RYR1: variants seen among roughly 807,000 people sequenced by gnomAD.
RYR1 encodes the protein ryanodine receptor 1.
RYR1 carries 342 observed loss-of-function variants against 583.5 expected under a neutral mutation model. The observed-to-expected ratio is 0.59, with a 90% CI of 0.54 to 0.64. RYR1 has a LOEUF of 0.64. Ranked by LOEUF, RYR1 falls within the 30% of genes least tolerant of loss-of-function variation. The pLI is 0.00. For synonymous variants in RYR1, 2,791 were observed against 2,822.5 expected (o/e 0.99, Z 0.35); for missense variants, 6,032 against 6,917.2 (o/e 0.87, Z 4.54).
rs765871579 is a variant in RYR1 at position 38,532,497 on chromosome 19, G to C, written c.11149G>C (p.Asp3717His). The change falls in exon 77 of 106, where the codon GAT (aspartate) becomes CAT (histidine). Residue 3717 changes from aspartate to histidine, a missense_variant. Transcript: ENST00000359596. ...RTALTEKSKL[D>H]EDYLYMAYAD... The stretch of plus-strand genomic sequence containing the variant: ...CCCTGCTTACTTCCCCAGCAAACTG[G>C]ATGAGGATTACCTGTACATGGCCTA... 6.2e-7 allele frequency: 1 copy of C among 1,614,044 alleles called. No individual in the cohort carries two copies. The highest frequency in any genetic ancestry group is 8.5e-7 in the Non-Finnish European group (1 of 1,180,052).
chr19:38,537,886 A>C lies in RYR1; in HGVS notation c.11615A>C (p.Lys3872Thr), dbSNP rs753061108. Residue 3872 changes from lysine (K) to threonine (T), a missense_variant, in exon 84 of 106, where the codon AAG becomes ACG. Physicochemically the swap from Lys to Thr is moderately conservative, Grantham distance 78. Coordinates refer to ENST00000359596, the MANE Select transcript of RYR1 (RefSeq NM_000540.3). ...TCCCCTCCCTTCCACCTAGGAGAGA[A>C]GGTCATGGCGGATGATGAATTCACA... is the stretch of plus-strand genomic sequence containing the variant. ...GTVINRQNGE[K>T]VMADDEFTQD... The C allele has an allele frequency of 8.8e-6, 14 of 1,583,314 alleles. No individual in the cohort carries two copies. The highest frequency in any genetic ancestry group is 2.7e-5 in the African/African-American group (2 of 73,846).
intron 76 of RYR1, 67 bp from the exon 77 acceptor site, chr19:38,532,423 C>T (rs915485183): frequency 2.8e-5 from 43 of 1,540,820 alleles, no homozygotes; most frequent in Non-Finnish European, 3.7e-5. Flanking sequence ...GCACCCTGCC[C>T]AGAAGCTCTT....
chr19:38,548,141 C>A, intron 88 of RYR1, 92 bp from the exon 89 acceptor site: 3 of 1,385,784 alleles, frequency 2.2e-6, no homozygotes, highest in Non-Finnish European at 2.0e-6. Context: ...ACTCCAGCAG[C>A]GTGGTGGCTC....
chr19:38,463,423 A>G lies in RYR1; in HGVS notation c.2578A>G (p.Ile860Val). Residue 860 changes from isoleucine to valine, a missense_variant and splice_region_variant, in exon 21 of 106, where the codon ATT becomes GTT. Physicochemically the swap from Ile to Val is conservative, Grantham distance 29. Transcript: ENST00000359596. Reference sequence around the variant, plus strand: ...CTCAAGAACGTCCCTCTGCCTCTAGATTGTCCTGCCGCCCCATCTGGAGCG... The same window carrying G: ...CTCAAGAACGTCCCTCTGCCTCTAGGTTGTCCTGCCGCCCCATCTGGAGCG... The part of the protein sequence containing the change: ...FVPCPVDTVQ[I>V]VLPPHLERIR... 6.2e-7 allele frequency: 1 copy of G among 1,613,810 alleles called. No individual in the cohort carries two copies. The highest frequency in any genetic ancestry group is 1.1e-5 in the South Asian group (1 of 91,040).
intron 39 of RYR1, among the ~76,000 whole-genome samples, chr19:38,494,853 C>CCTT (rs1969739183): frequency 9.4e-5 from 12 of 127,370 alleles, no homozygotes; most frequent in Non-Finnish European, 1.3e-4. Flanking sequence ...CCACCCCCCC[C>CCTT]TTTTTTTTTT....
chr19:38,584,736 A>C (rs1434961599), intron 101 of RYR1, among the ~76,000 whole-genome samples: 5 of 102,642 alleles, frequency 4.9e-5, no homozygotes, highest in African/African-American at 1.2e-4. Flanking sequence ...CCTGGCCCTC[A>C]CCCCCCTGCC....
chr19:38,488,859 G>C (rs372509034), intron 34 of RYR1, among the ~76,000 whole-genome samples: 1 of 152,212 alleles, frequency 6.6e-6, no homozygotes, highest in African/African-American at 2.4e-5. Flanking sequence ...CTATGCAGGC[G>C]TAGGGTGTGT....
intron 34 of RYR1, 49 bp downstream of exon 34, chr19:38,486,251 C>A: frequency 1.2e-6 from 2 of 1,611,538 alleles, no homozygotes; most frequent in South Asian, 2.2e-5. Context: ...TCCCACATTC[C>A]CAAAACTCCA....
At chr19:38,581,655 G>C (rs766235864) in intron 101 of RYR1, among the ~76,000 whole-genome samples, 2 of 152,140 alleles carry the variant, frequency 1.3e-5, no homozygotes, top group Non-Finnish European at 2.9e-5. Flanking sequence ...CTGGAGTGCA[G>C]TGACATGACC....
At position 38,565,716 on chromosome 19, in the gene RYR1, C is replaced by T. The variant is rs1299546084; in HGVS notation, c.13382C>T (p.Thr4461Met). ...GGTCTCGGGGACATGGGGGACACGA[C>T]GCCTGCGGAACCGCCCACACCCGAG... ...AGGLGDMGDT[T>M]PAEPPTPEGS... Residue 4461 changes from threonine to methionine, a missense_variant, in exon 91 of 106, where the codon ACG becomes ATG. This residue lies in a region of RYR1 where 753 missense variants were observed against 759.6 expected (regional missense o/e 0.99). Transcript: ENST00000359596. This position sits in a 1 kb window ranked among gnomAD's most constrained non-coding sequence, Gnocchi z 4.7. 15 of 1,427,504 alleles carry T rather than the reference C, an allele frequency of 1.1e-5. No individual in the cohort carries two copies. In the African/African-American group the frequency reaches 1.2e-4, roughly 11 times the overall value. 88.4% of individuals were successfully genotyped at this position (1,427,504 alleles called of 1,614,324 possible). A position where few individuals can be genotyped will look rare whatever the true frequency, so the allele number is the denominator to read the frequency against.
At chr19:38,478,399 C>T in intron 30 of RYR1, 36 bp from the exon 31 acceptor site, 1 of 1,609,232 alleles carries the variant, frequency 6.2e-7, no homozygotes, top group Admixed American at 1.7e-5. Flanking sequence ...GAGCTACTCA[C>T]ATGAGGAGTG....
intron 16 of RYR1, among the ~76,000 whole-genome samples, chr19:38,457,045 CCAAAAAA>C (rs1218562125): frequency 0.13 from 2,480 of 19,606 alleles, 140 homozygotes; most frequent in Middle Eastern, 0.41. Flanking sequence ...GACTCCATCT[CCAAAAAA>C]AAAAAAAAAA....
rs1419646816 is a variant in RYR1 at position 38,460,436 on chromosome 19, G to A, written c.2422G>A (p.Ala808Thr). Residue 808 changes from alanine to threonine, a missense_variant, in exon 20 of 106, where the codon GCT becomes ACT. Coordinates refer to ENST00000359596, the MANE Select transcript of RYR1 (RefSeq NM_000540.3). ...CAAGTTCCTGCCCCCACCTGGCTAT[G>A]CTCCATGCCATGAGGCTGTGCTCCC... ...EFKFLPPPGY[A>T]PCHEAVLPRE... 6.2e-7 allele frequency: 1 copy of A among 1,614,070 alleles called. No individual in the cohort carries two copies. The highest frequency in any genetic ancestry group is 1.3e-5 in the African/African-American group (1 of 74,920).
intron 23 of RYR1, among the ~76,000 whole-genome samples, chr19:38,465,514 G>A (rs564553528): frequency 2.0e-5 from 3 of 151,812 alleles, no homozygotes; most frequent in South Asian, 2.1e-4. Context: ...CCTGTAATCC[G>A]AGCACTTTGG....
chr19:38,519,587 C>A lies in RYR1; in HGVS notation c.10259+133C>A. 3 of 1,044,218 alleles carry A rather than the reference C, an allele frequency of 2.9e-6. No homozygotes were observed. In the South Asian group the frequency reaches 4.2e-5, roughly 14 times the overall value. 64.7% of individuals were successfully genotyped at this position (1,044,218 alleles called of 1,614,324 possible). On this transcript the variant is annotated intron_variant, in intron 67 of 105. Coordinates refer to ENST00000359596, the MANE Select transcript of RYR1 (RefSeq NM_000540.3). Reference sequence around the variant, plus strand: ...GGCCCCACCAACCTTCTGACTCTTCCTCCTGGTTTCTTCTGGCTTTGAGCA... The same window carrying A: ...GGCCCCACCAACCTTCTGACTCTTCATCCTGGTTTCTTCTGGCTTTGAGCA...
At chr19:38,463,150 C>G (rs1037764443) in intron 20 of RYR1, among the ~76,000 whole-genome samples, 1 of 70,844 alleles carries the variant, frequency 1.4e-5, no homozygotes, top group Non-Finnish European at 3.8e-5. Flanking sequence ...TGCCCCCCCC[C>G]CCCCCACTTA....
At chr19:38,456,267 G>A (rs114616410) in intron 16 of RYR1, among the ~76,000 whole-genome samples, 3,077 of 127,906 alleles carry the variant, frequency 0.024, 131 homozygotes, top group African/African-American at 0.084. Flanking sequence ...AACCACCAGC[G>A]CCTGGCATTT....
rs756580005 is a variant in RYR1, at chr19:38,567,757, C to G, written c.13515-16C>G. 6.2e-6 allele frequency: 10 copies of G among 1,614,218 alleles called. No individual in the cohort carries two copies. Among genetic ancestry groups the G allele is most frequent in the Non-Finnish European group, 8.5e-6 (10 of 1,180,044 alleles). ...TGCCCAGGCACCTCCTGACCTCTCT[C>G]TGTCCTGCCCTGCAGTGCCGAGAAT... is the stretch of plus-strand genomic sequence containing the variant. On this transcript the variant is annotated splice_polypyrimidine_tract_variant and intron_variant, in intron 92 of 105. Transcript: ENST00000359596.
intron 27 of RYR1, among the ~76,000 whole-genome samples, chr19:38,470,233 CAGAG>C (rs1468526744): frequency 2.0e-5 from 3 of 151,232 alleles, no homozygotes; most frequent in Non-Finnish European, 4.4e-5. Context: ...GCCTAAGAGA[CAGAG>C]CAAGACCCTA....
Sources: gnomAD v4.1 joint callset for allele counts (sites outside exome capture counted in the v4.1 genomes callset) on GRCh38, gnomAD v4.1.1 for gene constraint, gnomAD v4.1.1 regional missense constraint, Gnocchi (gnomAD v3.1) non-coding constraint, MANE v1.5 for transcripts, NCBI Gene and HGNC (gene_info 2026-07-23, HGNC 2026-07-21) for gene names.